Variants in RIF1 observed in about 807,000 individuals in gnomAD.
RIF1 encodes the protein telomere-associated protein RIF1.
RIF1 carries 45 observed loss-of-function variants against 247.1 expected under a neutral mutation model. That is an observed-to-expected ratio of 0.18 (90% CI 0.14 to 0.23). The LOEUF (loss-of-function observed/expected upper bound fraction) is 0.23, where lower values mean the gene tolerates loss of function less well. Among genes scored for constraint, RIF1 ranks in the 10% least tolerant of loss-of-function variants. RIF1 has a pLI of 1.00. For synonymous variants in RIF1, 1,087 were observed against 978.8 expected (o/e 1.11, Z -2.06); for missense variants, 2,967 against 2,862.5 (o/e 1.04, Z -0.83).
chr2:151,506,173 A>T, intron 12 of RIF1: 1 of 1,610,288 alleles, frequency 6.2e-7, no homozygotes, highest in South Asian at 1.1e-5. Context: ...TACCGAGCTA[A>T]TGTGGTCCTG....
the RIF1 span, among the ~76,000 whole-genome samples, chr2:151,523,433 A>G: frequency 6.6e-6 from 1 of 152,258 alleles, no homozygotes; most frequent in African/African-American, 2.4e-5. Context: ...ACTCACGACA[A>G]CCAAATGTAT....
At chr2:151,454,581 T>C (rs1351371932) in intron 21 of RIF1, among the ~76,000 whole-genome samples, 2 of 152,176 alleles carry the variant, frequency 1.3e-5, no homozygotes, top group East Asian at 3.8e-4. Context: ...TGTTGAAATT[T>C]TATGAAATGT....
At chr2:151,485,804 C>G (rs751394716), downstream of RIF1, 7 of 1,613,382 alleles carry the variant, frequency 4.3e-6, no homozygotes, top group East Asian at 1.6e-4. Context: ...CCGGTCCTGC[C>G]AGTCCTCTGC....
downstream of RIF1, among the ~76,000 whole-genome samples, chr2:151,482,660 T>C (rs1481403652): frequency 1.3e-5 from 2 of 152,166 alleles, no homozygotes; most frequent in Non-Finnish European, 2.9e-5. Flanking sequence ...TCCATAGTTT[T>C]AAGGAAAACA....
chr2:151,421,366 A>C (rs531336909), intron 7 of RIF1, among the ~76,000 whole-genome samples: 1 of 152,304 alleles, frequency 6.6e-6, no homozygotes, highest in East Asian at 1.9e-4. Flanking sequence ...CATGTAGATA[A>C]AGAACCAGAC....
At chr2:151,422,778 A>C (rs1311789392) in intron 7 of RIF1, among the ~76,000 whole-genome samples, 172 bp from the exon 8 acceptor site, 1 of 151,956 alleles carries the variant, frequency 6.6e-6, no homozygotes, top group East Asian at 1.9e-4. Flanking sequence ...CAGCCTCCCA[A>C]AGTGCTGGGA....
At chr2:151,483,700 T>C (rs2049286275), downstream of RIF1, among the ~76,000 whole-genome samples, 1 of 152,190 alleles carries the variant, frequency 6.6e-6, no homozygotes, top group African/African-American at 2.4e-5. Flanking sequence ...ACCCACGGGC[T>C]GTGGAGTGGT....
At chr2:151,467,924 C>G in intron 30 of RIF1, 76 bp from the exon 31 acceptor site, 3 of 1,415,954 alleles carry the variant, frequency 2.1e-6, no homozygotes, top group Admixed American at 4.3e-5. Flanking sequence ...TTTGGGTAAC[C>G]TCATAATGAA....
At chr2:151,442,179 T>TA (rs1226824635) in intron 16 of RIF1, among the ~76,000 whole-genome samples, 188 bp downstream of exon 16, 1 of 151,388 alleles carries the variant, frequency 6.6e-6, no homozygotes, top group African/African-American at 2.4e-5. Flanking sequence ...AGGTTCAAGC[T>TA]ATTCTCCTGC....
chr2:151,491,860 C>T, intron 9 of RIF1: 2 of 1,155,986 alleles, frequency 1.7e-6, no homozygotes, highest in Admixed American at 2.1e-5. Flanking sequence ...TAACAACCAC[C>T]AAAGGATTGA....
At chr2:151,532,136 A>G in the RIF1 span, 1 of 350,320 alleles carries the variant, frequency 2.9e-6, no homozygotes, top group Non-Finnish European at 5.3e-6. Context: ...TTACTCTGTC[A>G]CCCAGGCTGG....
chr2:151,513,063 G>A, the RIF1 span, among the ~76,000 whole-genome samples: 9 of 152,202 alleles, frequency 5.9e-5, no homozygotes, highest in Non-Finnish European at 8.8e-5. Context: ...TTGGATGCAG[G>A]ATGGGATATG....
At chr2:151,487,687 T>C (rs1437373019) in intron 9 of RIF1, among the ~76,000 whole-genome samples, 1 of 152,208 alleles carries the variant, frequency 6.6e-6, no homozygotes, top group African/African-American at 2.4e-5. Context: ...GGGCAAATAA[T>C]TTCTGAAGAA....
intron 9 of RIF1, among the ~76,000 whole-genome samples, chr2:151,432,197 G>A (rs575557247): frequency 2.6e-5 from 4 of 152,116 alleles, no homozygotes; most frequent in African/African-American, 9.6e-5. Context: ...TTTAGTAGAG[G>A]TAGGATTTCA....
chr2:151,525,035 C>T, the RIF1 span: 4 of 746,552 alleles, frequency 5.4e-6, no homozygotes, highest in South Asian at 6.5e-5. Flanking sequence ...CAAACCAATT[C>T]TCGCCACTAA....
the RIF1 span, chr2:151,525,046 CT>C: frequency 1.2e-6 from 1 of 810,676 alleles, no homozygotes; most frequent in Non-Finnish European, 2.1e-6. Flanking sequence ...TCGCCACTAA[CT>C]TTTTGAAACT....
chr2:151,519,814 A>C, the RIF1 span: 4 of 1,287,676 alleles, frequency 3.1e-6, no homozygotes, highest in Non-Finnish European at 4.5e-6. Flanking sequence ...ACATCAATCA[A>C]TTTGGGAATT....
intron 34 of RIF1, among the ~76,000 whole-genome samples, chr2:151,470,074 C>T (rs776461964): frequency 6.6e-5 from 10 of 152,016 alleles, no homozygotes; most frequent in South Asian, 2.1e-4. Context: ...TTCCACCATT[C>T]GGTATTTGAT....
chr2:151,494,371 T>C (rs1026880237), intron 9 of RIF1: 2 of 698,606 alleles, frequency 2.9e-6, no homozygotes, highest in African/African-American at 3.9e-5. Context: ...TTTGGGCAAT[T>C]AGGTTAGATG....
Sources: allele counts gnomAD v4.1 joint callset (sites outside exome capture counted in the v4.1 genomes callset), GRCh38; gene constraint gnomAD v4.1.1; transcripts MANE v1.5; gene names NCBI Gene and HGNC (gene_info 2026-07-23, HGNC 2026-07-21).